Variants in SLC25A48 observed in about 807,000 individuals in gnomAD.
SLC25A48 encodes the protein solute carrier family 25 member 48.
In SLC25A48, 29 loss-of-function variants were observed where a neutral mutation model predicts 32.2. The ratio of observed to expected loss-of-function variants is 0.90; its 90% CI spans 0.67 to 1.23. SLC25A48 has a LOEUF of 1.23. SLC25A48 is among the 50% of genes most tolerant of loss of function. The probability of loss-of-function intolerance (pLI) is 0.00; values close to 1 mark genes in which losing one functional copy is unlikely to be tolerated. For missense variants in SLC25A48, 399 were observed against 422.7 expected (o/e 0.94, Z 0.49); for synonymous variants, 164 against 172.3 (o/e 0.95, Z 0.38).
Position 135,626,408 on chromosome 5 carries a change from G to A in SLC25A48, c.-848-2829G>A, listed in dbSNP as rs114927410. On this transcript the variant is annotated intron_variant, in intron 1 of 10. Coordinates refer to the SLC25A48 transcript ENST00000646290. ...GCATTACTGGCTCCCAGGTTTTAAT[G>A]TGTGTTTCTGGTGAACAGAGGCTTT... Among the ~76,000 whole-genome samples the A allele has an allele frequency of 9.8e-3, 1,500 of 152,350 alleles. 11 individuals carry two copies. The highest frequency in any genetic ancestry group is 0.015 in the Non-Finnish European group (998 of 68,034).
intron 4 of SLC25A48, among the ~76,000 whole-genome samples, chr5:135,857,263 G>A (rs1315557408): frequency 6.6e-6 from 1 of 152,198 alleles, no homozygotes; most frequent in East Asian, 1.9e-4. Context: ...TGAGTGATAG[G>A]GGATTCTGAA....
chr5:135,734,382 C>A (rs187491645), intron 3 of SLC25A48, among the ~76,000 whole-genome samples: 3 of 152,030 alleles, frequency 2.0e-5, no homozygotes, highest in African/African-American at 7.3e-5. Flanking sequence ...AAAAAGACTT[C>A]ATAAAAGAAT....
intron 7 of SLC25A48, among the ~76,000 whole-genome samples, chr5:135,887,284 T>C (rs1762767619): frequency 1.3e-5 from 2 of 152,140 alleles, no homozygotes; most frequent in African/African-American, 4.8e-5. Context: ...TGCTTTTGCT[T>C]TTAGTCTATG....
At chr5:135,734,027 G>C (rs2126994308) in intron 3 of SLC25A48, among the ~76,000 whole-genome samples, 1 of 152,020 alleles carries the variant, frequency 6.6e-6, no homozygotes, top group East Asian at 1.9e-4. Flanking sequence ...ATTGTAAGGA[G>C]AGATTTTAGG....
At chr5:135,852,871 C>T in intron 4 of SLC25A48, 50 bp downstream of exon 4, 1 of 1,565,544 alleles carries the variant, frequency 6.4e-7, no homozygotes, top group Non-Finnish European at 8.7e-7. Flanking sequence ...GTGGCCCTTT[C>T]CTGGTTTGTG....
At chr5:135,858,432 G>T (rs1760511569) in intron 4 of SLC25A48, among the ~76,000 whole-genome samples, 1 of 152,204 alleles carries the variant, frequency 6.6e-6, no homozygotes, top group East Asian at 1.9e-4. Context: ...TCTGTGATCT[G>T]GACTGAATAA....
intron 4 of SLC25A48, among the ~76,000 whole-genome samples, chr5:135,855,501 A>G (rs1376016747): frequency 6.6e-6 from 1 of 152,192 alleles, no homozygotes; most frequent in Non-Finnish European, 1.5e-5. Context: ...AGGCTCCCAG[A>G]GGTTAAGGTA....
intron 3 of SLC25A48, among the ~76,000 whole-genome samples, chr5:135,786,856 G>T (rs1330431506): frequency 6.6e-6 from 1 of 151,834 alleles, no homozygotes; most frequent in Non-Finnish European, 1.5e-5. Flanking sequence ...GATATTATTG[G>T]TAATAGTCTA....
At chr5:135,854,165 A>C (rs2126745757) in intron 4 of SLC25A48, among the ~76,000 whole-genome samples, 1 of 152,370 alleles carries the variant, frequency 6.6e-6, no homozygotes, top group Non-Finnish European at 1.5e-5. Context: ...TCTAGAACAC[A>C]CAGAGCAGAT....
At chr5:135,637,907 G>T (rs181952457) in intron 3 of SLC25A48, among the ~76,000 whole-genome samples, 1 of 152,130 alleles carries the variant, frequency 6.6e-6, no homozygotes, top group African/African-American at 2.4e-5. Flanking sequence ...CATCAGAAAA[G>T]CCCAAATCTA....
chr5:135,844,051 A>G (rs569866075), intron 2 of SLC25A48, among the ~76,000 whole-genome samples: 1 of 152,260 alleles, frequency 6.6e-6, no homozygotes, highest in African/African-American at 2.4e-5. Context: ...GTCCAGAGCT[A>G]AGCCAGGTCC....
intron 1 of SLC25A48, among the ~76,000 whole-genome samples, chr5:135,606,402 C>G (rs1262756974): frequency 6.6e-6 from 1 of 152,198 alleles, no homozygotes; most frequent in Non-Finnish European, 1.5e-5. Context: ...AATTATATCA[C>G]ATTTTTAATC....
intron 3 of SLC25A48, among the ~76,000 whole-genome samples, chr5:135,766,389 G>T (rs1404806026): frequency 6.6e-6 from 1 of 151,350 alleles, no homozygotes; most frequent in Non-Finnish European, 1.5e-5. Context: ...CCCCATGTCG[G>T]TGTATTGTAC....
rs374533110 is a variant in SLC25A48 at position 135,752,320 on chromosome 5, C to T, written c.-520-60203C>T. On this transcript the variant is annotated intron_variant, in intron 3 of 10. Transcript: ENST00000646290. ...GTGCAGTGGCTCACCCCTGTAATCC[C>T]AGCACTTTGGGAGGCCAAGGCAGGC... Among the ~76,000 whole-genome samples the T allele has an allele frequency of 5.9e-5, 9 of 152,290 alleles. No individual in the cohort carries two copies. The South Asian group carries it at 1.2e-3, about 21-fold the overall frequency.
intron 1 of SLC25A48, among the ~76,000 whole-genome samples, chr5:135,602,234 G>A (rs1751813624): frequency 6.6e-6 from 1 of 152,250 alleles, no homozygotes; most frequent in Non-Finnish European, 1.5e-5. Flanking sequence ...AGAACACTCA[G>A]TAAGGCCAAA....
chr5:135,733,406 T>C (rs1755279641), intron 3 of SLC25A48, among the ~76,000 whole-genome samples: 1 of 152,138 alleles, frequency 6.6e-6, no homozygotes, highest in South Asian at 2.1e-4. Flanking sequence ...GGAGGCCGGA[T>C]TGAAGTCCGG....
At chr5:135,870,854 G>A (rs765752277) in intron 4 of SLC25A48, among the ~76,000 whole-genome samples, 3 of 151,000 alleles carry the variant, frequency 2.0e-5, no homozygotes, top group Non-Finnish European at 4.4e-5. Context: ...GGTAAATTTC[G>A]AATTATTTCC....
At chr5:135,855,252 A>T (rs1476230451) in intron 4 of SLC25A48, among the ~76,000 whole-genome samples, 1 of 152,228 alleles carries the variant, frequency 6.6e-6, no homozygotes, top group Non-Finnish European at 1.5e-5. Context: ...TGCTGGACTC[A>T]AGCTGACCAC....
intron 3 of SLC25A48, chr5:135,650,580 A>C (rs1753087835): frequency 2.9e-6 from 1 of 346,734 alleles, no homozygotes; most frequent in Non-Finnish European, 5.7e-6. Context: ...CAACAACAGA[A>C]CTCTTTCTTT....
Sources: allele counts gnomAD v4.1 joint callset (sites outside exome capture counted in the v4.1 genomes callset), GRCh38; gene constraint gnomAD v4.1.1; transcripts MANE v1.5; gene names NCBI Gene and HGNC (gene_info 2026-07-23, HGNC 2026-07-21).